ATP13A5: variants seen among roughly 807,000 people sequenced by gnomAD.
The protein encoded by ATP13A5 is ATPase 13A5, also known as probable cation-transporting ATPase 13A5.
ATP13A5 carries 149 observed loss-of-function variants against 150.2 expected under a neutral mutation model. The observed-to-expected ratio is 0.99, with a 90% CI of 0.87 to 1.14. The LOEUF is 1.14. Among genes scored for constraint, ATP13A5 ranks in the 50% most tolerant of loss-of-function variants. ATP13A5 has a pLI of 0.00. For synonymous variants in ATP13A5, 497 were observed against 522.2 expected, an observed-to-expected ratio of 0.95 and a Z score of 0.66; for missense variants, 1,383 against 1,449.3, an observed-to-expected ratio of 0.95 and a Z score of 0.74.
At chr3:193,321,930 C>T (rs925456107) in intron 15 of ATP13A5, 93 bp from the exon 16 acceptor site, 2 of 1,363,764 alleles carry the variant, frequency 1.5e-6, no homozygotes, top group African/African-American at 2.9e-5. Context: ...GCAATGAGCC[C>T]AGAGACATCT....
intron 18 of ATP13A5, 151 bp from the exon 19 acceptor site, chr3:193,314,344 C>A: frequency 1.3e-6 from 1 of 760,658 alleles, no homozygotes; most frequent in Non-Finnish European, 2.1e-6. Context: ...GTAGACTGCC[C>A]CTACTGGGCA....
chr3:193,285,066 T>C lies in ATP13A5; in HGVS notation c.3074A>G (p.Glu1025Gly). The change falls in exon 27 of 30, where the codon GAA becomes GGA. Residue 1025 changes from glutamate to glycine, a missense_variant. Physicochemically the swap from Glu to Gly is moderately conservative, Grantham distance 98 (BLOSUM62 -2). Coordinates refer to ENST00000342358, the MANE Select transcript of ATP13A5 (RefSeq NM_198505.4). ...AGTTGCATTTCCAGTCCAGTTTCTTTCCAAACTCACATTTGTTGAAAAATT... is the reference window on the plus strand; with the variant it reads ...AGTTGCATTTCCAGTCCAGTTTCTTCCCAAACTCACATTTGTTGAAAAATT... ...QSNFSTNVSL[E>G]RNWTGNATLI... The C allele has an allele frequency of 6.2e-7, 1 of 1,614,070 alleles. No individual in the cohort carries two copies. Among genetic ancestry groups the C allele is most frequent in the African/African-American group, 1.3e-5 (1 of 75,054 alleles).
chr3:193,303,329 T>A (rs1718477871), intron 23 of ATP13A5, among the ~76,000 whole-genome samples: 1 of 152,180 alleles, frequency 6.6e-6, no homozygotes, highest in Admixed American at 6.5e-5. Flanking sequence ...AAAGCTTCCC[T>A]CCTGGCTTGA....
chr3:193,308,683 G>A (rs11926555), intron 21 of ATP13A5, among the ~76,000 whole-genome samples: 64,328 of 151,934 alleles, frequency 0.42, 14,993 homozygotes, highest in Non-Finnish European at 0.52. Flanking sequence ...AATGCAGACA[G>A]CCTTATGCAC....
intron 11 of ATP13A5, among the ~76,000 whole-genome samples, chr3:193,332,286 C>T (rs1711663233): frequency 6.6e-6 from 1 of 152,194 alleles, no homozygotes; most frequent in African/African-American, 2.4e-5. Flanking sequence ...ACTGTGAGGC[C>T]TCCCCAGCCA....
In ATP13A5 at chr3:193,279,231, C is replaced by A. The variant is rs925810967; in HGVS notation, c.3315+135G>T. 4.7e-6 allele frequency: 3 copies of A among 642,124 alleles called. No individual in the cohort carries two copies. The African/African-American group carries it at 5.5e-5, about 12-fold the overall frequency. The allele number at this position is 642,124 out of a possible 1,614,324, so 39.8% of individuals were successfully genotyped here. A position where few individuals can be genotyped will look rare whatever the true frequency, so the allele number is the denominator to read the frequency against. On this transcript the variant is annotated intron_variant, in intron 28 of 29. Coordinates refer to ENST00000342358, the MANE Select transcript of ATP13A5 (RefSeq NM_198505.4). ...GGTGAAATCCAGATATCTTATTTGCCCTTCTAGTATATAGAAATAGCCTCA... is the reference window on the plus strand; with the variant it reads ...GGTGAAATCCAGATATCTTATTTGCACTTCTAGTATATAGAAATAGCCTCA...
At chr3:193,346,288 C>A (rs769984516) in intron 7 of ATP13A5, among the ~76,000 whole-genome samples, 1 of 152,056 alleles carries the variant, frequency 6.6e-6, no homozygotes. Context: ...TGCTTGAGAT[C>A]GTTTATTGAG....
chr3:193,335,120 T>A (rs752791596), intron 9 of ATP13A5, 21 bp from the exon 10 acceptor site: 29 of 1,611,878 alleles, frequency 1.8e-5, no homozygotes, highest in Admixed American at 3.3e-5. Flanking sequence ...TTGTATTTTG[T>A]TGAATCTATG....
chr3:193,319,135 T>C, intron 16 of ATP13A5, 27 bp from the exon 17 acceptor site: 1 of 1,552,940 alleles, frequency 6.4e-7, no homozygotes, highest in Middle Eastern at 1.7e-4. Flanking sequence ...AACAGGTAAG[T>C]GTAAGGTCAT....
intron 16 of ATP13A5, 75 bp from the exon 17 acceptor site, chr3:193,319,183 C>A: frequency 9.6e-7 from 1 of 1,037,086 alleles, no homozygotes; most frequent in Non-Finnish European, 1.5e-6. Flanking sequence ...AGGACACAGC[C>A]ATTGTACCTT....
At chr3:193,301,988 G>C (rs755916142) in intron 23 of ATP13A5, among the ~76,000 whole-genome samples, 12 of 152,156 alleles carry the variant, frequency 7.9e-5, no homozygotes, top group Non-Finnish European at 1.6e-4. Context: ...CGCAGTAACA[G>C]GTTTTCTGAA....
At chr3:193,287,532 C>A (rs180687739) in intron 26 of ATP13A5, among the ~76,000 whole-genome samples, 1 of 152,100 alleles carries the variant, frequency 6.6e-6, no homozygotes, top group Non-Finnish European at 1.5e-5. Context: ...GATGACAGCA[C>A]GTCTGTTTAC....
chr3:193,311,719 A>C, intron 20 of ATP13A5, 97 bp downstream of exon 20: 2 of 1,512,624 alleles, frequency 1.3e-6, no homozygotes, highest in Non-Finnish European at 8.9e-7. Context: ...TCTAACTGTG[A>C]GGCAACCTCA....
intron 5 of ATP13A5, among the ~76,000 whole-genome samples, chr3:193,357,066 G>A (rs1023318076): frequency 6.6e-5 from 10 of 152,030 alleles, no homozygotes; most frequent in African/African-American, 1.2e-4. Flanking sequence ...CACCTGACTC[G>A]GCTTCCCAAA....
chr3:193,340,242 T>C (rs1243122571), intron 9 of ATP13A5, among the ~76,000 whole-genome samples: 1 of 152,198 alleles, frequency 6.6e-6, no homozygotes, highest in Non-Finnish European at 1.5e-5. Context: ...CCAAGTCCTT[T>C]TAATTTATAG....
intron 24 of ATP13A5, among the ~76,000 whole-genome samples, chr3:193,299,709 T>A (rs539354290): frequency 6.6e-6 from 1 of 152,274 alleles, no homozygotes; most frequent in Admixed American, 6.5e-5. Flanking sequence ...TTCAGTCGGG[T>A]ACATCTGCCT....
intron 21 of ATP13A5, among the ~76,000 whole-genome samples, chr3:193,308,694 A>G (rs73074729): frequency 0.028 from 4,284 of 152,226 alleles, 169 homozygotes; most frequent in African/African-American, 0.098. Flanking sequence ...CCTTATGCAC[A>G]TTGCCAATGA....
intron 28 of ATP13A5, among the ~76,000 whole-genome samples, chr3:193,277,260 A>T (rs1167187293): frequency 6.6e-6 from 1 of 152,248 alleles, no homozygotes; most frequent in African/African-American, 2.4e-5. Flanking sequence ...AGAGAAATGT[A>T]AGTATATTTT....
At chr3:193,312,296 A>G (rs1330898806) in intron 19 of ATP13A5, among the ~76,000 whole-genome samples, 1 of 152,130 alleles carries the variant, frequency 6.6e-6, no homozygotes, top group African/African-American at 2.4e-5. Context: ...ATGCAACCTT[A>G]TATTTTCTAA....
Sources: allele counts gnomAD v4.1 joint callset (sites outside exome capture counted in the v4.1 genomes callset), GRCh38; gene constraint gnomAD v4.1.1; transcripts MANE v1.5; gene names NCBI Gene and HGNC (gene_info 2026-07-23, HGNC 2026-07-21).